The following NELL2 variants were observed in gnomAD, a reference collection of about 807,000 sequenced individuals.
NELL2 encodes the protein protein kinase C-binding protein NELL2.
A neutral mutation model predicts 109.6 loss-of-function variants in NELL2; 41 were observed. The ratio of observed to expected loss-of-function variants is 0.37; its 90% CI spans 0.29 to 0.49. The LOEUF (loss-of-function observed/expected upper bound fraction) is 0.49, where lower values mean the gene tolerates loss of function less well. Ranked by LOEUF, NELL2 falls within the 20% of genes least tolerant of loss-of-function variation. The pLI, the probability that NELL2 is intolerant of heterozygous loss-of-function variation, is 0.98. For synonymous variants in NELL2, 355 were observed against 344.7 expected (o/e 1.03, Z -0.33); for missense variants, 900 against 1,008.3 (o/e 0.89, Z 1.45).
chr12:44,723,903 G>A, intron 9 of NELL2, among the ~76,000 whole-genome samples: 1 of 151,916 alleles, frequency 6.6e-6, no homozygotes, highest in East Asian at 1.9e-4. Context: ...ATATACCCAA[G>A]GAAAATAATT....
intron 15 of NELL2, among the ~76,000 whole-genome samples, chr12:44,551,128 A>G (rs1324798078): frequency 6.6e-6 from 1 of 152,202 alleles, no homozygotes; most frequent in African/African-American, 2.4e-5. Flanking sequence ...ATGTATCCCT[A>G]AACTCATCAA....
At chr12:44,765,955 A>G (rs1285135944) in intron 9 of NELL2, among the ~76,000 whole-genome samples, 2 of 152,132 alleles carry the variant, frequency 1.3e-5, no homozygotes, top group African/African-American at 2.4e-5. Flanking sequence ...CCCCATCTCT[A>G]CTAAAAGTAC....
intron 12 of NELL2, among the ~76,000 whole-genome samples, chr12:44,674,318 A>G (rs1328285631): frequency 6.6e-6 from 1 of 152,118 alleles, no homozygotes; most frequent in African/African-American, 2.4e-5. Context: ...TAAGTGCCAA[A>G]AAACCCACAC....
intron 3 of NELL2, among the ~76,000 whole-genome samples, chr12:44,797,439 A>G (rs1268812724): frequency 6.6e-6 from 1 of 152,118 alleles, no homozygotes; most frequent in Non-Finnish European, 1.5e-5. Flanking sequence ...AAATTTTACA[A>G]GGGTTTCATA....
At chr12:44,681,144 C>T (rs1216955605) in intron 12 of NELL2, among the ~76,000 whole-genome samples, 1 of 150,926 alleles carries the variant, frequency 6.6e-6, no homozygotes, top group Admixed American at 6.6e-5. Flanking sequence ...GATAGTCATA[C>T]ATATCCATGT....
chr12:44,905,040 T>TA (rs990230510), intron 1 of NELL2, among the ~76,000 whole-genome samples: 1 of 151,870 alleles, frequency 6.6e-6, no homozygotes, highest in African/African-American at 2.4e-5. Flanking sequence ...TATGAGATCA[T>TA]AAAAAAAACT....
chr12:44,530,896 CCCTG>C (rs1301499656), intron 16 of NELL2, among the ~76,000 whole-genome samples: 7 of 152,200 alleles, frequency 4.6e-5, no homozygotes, highest in Non-Finnish European at 7.3e-5. Context: ...GTGCACAAAT[CCCTG>C]ACCCATAGCA....
At chr12:44,597,740 T>C (rs1945023265) in intron 15 of NELL2, among the ~76,000 whole-genome samples, 1 of 151,922 alleles carries the variant, frequency 6.6e-6, no homozygotes, top group African/African-American at 2.4e-5. Context: ...CTACTTTCCA[T>C]GGAACTCATA....
In NELL2 at chr12:44,570,817, T is replaced by C. The variant is rs536637685; in HGVS notation, c.1663+36352A>G. 4.5e-4 allele frequency among the ~76,000 whole-genome samples: 68 copies of C among 152,330 alleles called. 1 individual carries two copies. The highest frequency in any genetic ancestry group is 1.5e-3 in the African/African-American group (64 of 41,578). ...TTGGGCAAAATTATCGCCATGAATA[T>C]GGTGTCAATTAGTGAATGCCAGTAA... On this transcript the variant is annotated intron_variant, in intron 15 of 19. Transcript: ENST00000429094.
chr12:44,571,864 G>A (rs1413624652), intron 15 of NELL2, among the ~76,000 whole-genome samples: 2 of 152,088 alleles, frequency 1.3e-5, no homozygotes, highest in Non-Finnish European at 2.9e-5. Context: ...ACTTTATTTA[G>A]TAGGAACTCT....
rs201629470 is a variant in NELL2, at chr12:44,513,392, GAAGA to G, written c.2401-4412_2401-4409del. On this transcript the variant is annotated intron_variant, in intron 19 of 19. Coordinates refer to ENST00000429094, the MANE Select transcript of NELL2 (RefSeq NM_001145108.2). ...ATATATTATAAAAATTAATAGACGTGAAGAAAAACAGGAAAATGTGGCTCCTAAT... is the reference window on the plus strand; with the variant it reads ...ATATATTATAAAAATTAATAGACGTGAAAACAGGAAAATGTGGCTCCTAAT... Among the ~76,000 whole-genome samples, 67 of 151,924 alleles carry G rather than the reference GAAGA, an allele frequency of 4.4e-4. No individual in the cohort carries two copies. The East Asian group carries it at 0.013, about 28-fold the overall frequency.
chr12:44,853,377 A>T (rs1944586679), intron 2 of NELL2, among the ~76,000 whole-genome samples: 1 of 152,188 alleles, frequency 6.6e-6, no homozygotes, highest in Admixed American at 6.5e-5. Flanking sequence ...ATAGTGAAAC[A>T]TTAAGTGTAT....
At chr12:44,807,478 A>T (rs1302760196) in intron 3 of NELL2, among the ~76,000 whole-genome samples, 1 of 151,920 alleles carries the variant, frequency 6.6e-6, no homozygotes, top group East Asian at 1.9e-4. Context: ...CTTCTGTCTT[A>T]AAGAAAATCA....
At chr12:44,682,009 A>G (rs531725279) in intron 12 of NELL2, among the ~76,000 whole-genome samples, 2,532 of 151,764 alleles carry the variant, frequency 0.017, 46 homozygotes, top group Admixed American at 0.033. Flanking sequence ...TTCCACAATG[A>G]TTGAACTAGT....
intron 15 of NELL2, among the ~76,000 whole-genome samples, chr12:44,576,638 C>T (rs7304676): frequency 0.063 from 9,473 of 151,528 alleles, 936 homozygotes; most frequent in African/African-American, 0.22. Flanking sequence ...CATGCTGGTG[C>T]GCTGCACCCA....
At chr12:44,782,304 T>C (rs1236003711) in intron 3 of NELL2, among the ~76,000 whole-genome samples, 2 of 151,168 alleles carry the variant, frequency 1.3e-5, no homozygotes, top group African/African-American at 4.9e-5. Flanking sequence ...AAAATGAAAT[T>C]GTAAAACAAG....
chr12:44,569,498 C>T (rs1270177237), intron 15 of NELL2, among the ~76,000 whole-genome samples: 1 of 152,082 alleles, frequency 6.6e-6, no homozygotes, highest in African/African-American at 2.4e-5. Context: ...ACACTTCCAC[C>T]AACAATGTAT....
At chr12:44,600,115 G>C (rs576140618) in intron 15 of NELL2, among the ~76,000 whole-genome samples, 19 of 149,690 alleles carry the variant, frequency 1.3e-4, no homozygotes, top group South Asian at 4.2e-4. Flanking sequence ...GCGCCCGCCA[G>C]CACGCCCGGC....
At chr12:44,791,121 G>GTATA (rs1188393357) in intron 3 of NELL2, among the ~76,000 whole-genome samples, 4,695 of 24,132 alleles carry the variant, frequency 0.19, 483 homozygotes, top group Non-Finnish European at 0.24. Flanking sequence ...ATATATATAT[G>GTATA]TATATATATA....
Sources: gnomAD v4.1 joint callset for allele counts (sites outside exome capture counted in the v4.1 genomes callset) on GRCh38, gnomAD v4.1.1 for gene constraint, MANE v1.5 for transcripts, NCBI Gene and HGNC (gene_info 2026-07-23, HGNC 2026-07-21) for gene names.